The following UBXN2B variants were observed in gnomAD, a reference collection of about 807,000 sequenced individuals.
UBXN2B encodes UBX domain protein 2B.
In UBXN2B, 19 loss-of-function variants were observed where a neutral mutation model predicts 37.5. The ratio of observed to expected loss-of-function variants is 0.51; its 90% CI spans 0.35 to 0.74. The LOEUF is 0.74. Among genes scored for constraint, UBXN2B ranks in the 30% least tolerant of loss-of-function variants. UBXN2B has a pLI of 0.01. For synonymous variants in UBXN2B, 145 were observed against 143.8 expected (o/e 1.01, Z -0.06); for missense variants, 370 against 393.2 (o/e 0.94, Z 0.50).
intron 2 of UBXN2B, chr8:58,424,911 G>T (rs111373353): frequency 5.5e-6 from 5 of 912,614 alleles, no homozygotes; most frequent in African/African-American, 1.6e-5. Flanking sequence ...GAACGTCAAT[G>T]TTGCAGTCAA....
intron 5 of UBXN2B, among the ~76,000 whole-genome samples, chr8:58,436,677 T>A (rs1457944034): frequency 2.0e-5 from 3 of 152,166 alleles, no homozygotes; most frequent in Admixed American, 6.5e-5. Flanking sequence ...ATGAATGAGT[T>A]CTTCTTCTGG....
At position 58,425,094 on chromosome 8, in the gene UBXN2B, G is replaced by A. The variant is rs115121005; in HGVS notation, c.189-5425G>A. 1.6e-3 allele frequency: 1,268 copies of A among 790,792 alleles called. 5 individuals carry two copies. The African/African-American group carries it at 0.017, about 10-fold the overall frequency. The allele number at this position is 790,792 out of a possible 1,614,324, so 49.0% of individuals were successfully genotyped here. On this transcript the variant is annotated intron_variant, in intron 2 of 7. Transcript: ENST00000399598. The stretch of plus-strand genomic sequence containing the variant: ...CACCCCTGGGGTCAATGGGCACTCC[G>A]TGGTCCGGCCAGGTCCAAAAGTGGT...
chr8:58,418,463 T>C (rs1385654577), intron 2 of UBXN2B, among the ~76,000 whole-genome samples: 2 of 152,208 alleles, frequency 1.3e-5, no homozygotes, highest in African/African-American at 4.8e-5. Context: ...TAAAATTTAT[T>C]ATGTTGACTT....
intron 3 of UBXN2B, 136 bp downstream of exon 3, chr8:58,430,805 A>T: frequency 1.4e-6 from 1 of 727,682 alleles, no homozygotes; most frequent in Non-Finnish European, 1.9e-6. Context: ...ATAAAATTAT[A>T]ATATTTCTAT....
intron 2 of UBXN2B, 81 bp downstream of exon 2, chr8:58,417,034 C>A: frequency 1.8e-6 from 2 of 1,130,828 alleles, no homozygotes; most frequent in Non-Finnish European, 1.2e-6. Context: ...TTTTAAATGG[C>A]CTTCTTCAAG....
intron 2 of UBXN2B, among the ~76,000 whole-genome samples, chr8:58,429,450 C>A (rs1270953941): frequency 6.6e-6 from 1 of 152,126 alleles, no homozygotes; most frequent in Non-Finnish European, 1.5e-5. Context: ...TAAATTTGGG[C>A]CCAGTGTACT....
Position 58,447,885 on chromosome 8 carries a change from T to G in UBXN2B, c.*334T>G. The G allele has an allele frequency of 5.9e-6, 1 of 168,476 alleles. No individual in the cohort carries two copies. The highest frequency in any genetic ancestry group is 1.3e-5 in the Non-Finnish European group (1 of 78,982). The allele number at this position is 168,476 out of a possible 1,614,324, so 10.4% of individuals were successfully genotyped here. On this transcript the variant is annotated 3_prime_UTR_variant, in exon 8 of 8. Transcript: ENST00000399598. ...AAAACCCCTTTTTGATAAATGCATT[T>G]GGTAAAATTTGCACTAAAGTTTCTT... is the stretch of plus-strand genomic sequence containing the variant.
In UBXN2B at chr8:58,416,951, A is replaced by G. The variant is rs1807801341; in HGVS notation, c.186A>G (p.Gln62=). Residue 62 remains glutamine, a splice_region_variant and synonymous_variant, in exon 2 of 8, where the codon CAA becomes CAG. Coordinates refer to ENST00000399598, the MANE Select transcript of UBXN2B (RefSeq NM_001077619.2). The part of the protein sequence containing the change: ...TVFKSPRTPP[Q]RFYSSEHEYS... ...TCAAGAGCCCACGGACACCACCTCA[A>G]CGGTAAGTTTTATTTTGTTTTGTTG... The G allele has an allele frequency of 7.5e-6, 12 of 1,591,240 alleles. No individual in the cohort carries two copies. Among genetic ancestry groups the G allele is most frequent in the South Asian group, 1.1e-5 (1 of 87,216 alleles).
intron 5 of UBXN2B, among the ~76,000 whole-genome samples, chr8:58,438,345 C>G (rs59206925): frequency 0.027 from 4,137 of 152,262 alleles, 204 homozygotes; most frequent in East Asian, 0.22. Flanking sequence ...ACCTCCAGAC[C>G]CAGGAATGGT....
At chr8:58,424,634 ACT>A in intron 2 of UBXN2B, 1 of 1,163,042 alleles carries the variant, frequency 8.6e-7, no homozygotes, top group Non-Finnish European at 1.3e-6. Context: ...GTTTTCATAC[ACT>A]CTAGCACTGT....
intron 1 of UBXN2B, among the ~76,000 whole-genome samples, chr8:58,411,981 G>C (rs983145809): frequency 2.0e-4 from 30 of 152,216 alleles, no homozygotes; most frequent in African/African-American, 6.5e-4. Context: ...TGCCCATACA[G>C]CCTAGTTGTC....
At chr8:58,446,942 A>G (rs1292662689) in intron 7 of UBXN2B, among the ~76,000 whole-genome samples, 1 of 151,316 alleles carries the variant, frequency 6.6e-6, no homozygotes, top group Non-Finnish European at 1.5e-5. Flanking sequence ...GATTACAGAC[A>G]GCCACCACCA....
At chr8:58,423,879 G>A (rs561294709) in intron 2 of UBXN2B, among the ~76,000 whole-genome samples, 26 of 151,432 alleles carry the variant, frequency 1.7e-4, no homozygotes, top group Middle Eastern at 3.4e-3. Flanking sequence ...TATGGCAAAC[G>A]TTTTCCCACC....
chr8:58,433,065 A>T, intron 3 of UBXN2B, 95 bp from the exon 4 acceptor site: 1 of 1,001,478 alleles, frequency 1.0e-6, no homozygotes, highest in South Asian at 1.7e-5. Flanking sequence ...CACTTTGGCT[A>T]ATTAGAATTA....
rs1451176168 is a variant in UBXN2B at position 58,450,922 on chromosome 8, A to G, written c.*3371A>G. On this transcript the variant is annotated 3_prime_UTR_variant, in exon 8 of 8. Transcript: ENST00000399598. ...TTTCTCAGTGCCGTAATATAGAGGA[A>G]TTCTCAAAATAAGCCCTACTCCTTT... The G allele has an allele frequency of 6.6e-6, 1 of 152,452 alleles. No individual in the cohort carries two copies. Among genetic ancestry groups the G allele is most frequent in the Admixed American group, 6.5e-5 (1 of 15,278 alleles). 9.4% of individuals were successfully genotyped at this position (152,452 alleles called of 1,614,324 possible).
chr8:58,420,221 C>G (rs563161873), intron 2 of UBXN2B, among the ~76,000 whole-genome samples: 1 of 152,226 alleles, frequency 6.6e-6, no homozygotes, highest in Admixed American at 6.5e-5. Context: ...TTTACAAATA[C>G]ACTTTTACTC....
chr8:58,425,314 A>G lies in UBXN2B; in HGVS notation c.189-5205A>G, dbSNP rs1038420606. The G allele has an allele frequency of 9.3e-5, 108 of 1,159,898 alleles. No homozygotes were observed. The South Asian group carries it at 9.8e-4, about 10-fold the overall frequency. 71.9% of individuals were successfully genotyped at this position (1,159,898 alleles called of 1,614,324 possible). On this transcript the variant is annotated intron_variant, in intron 2 of 7. Transcript: ENST00000399598. ...CTCCACTTCTTTCGTTGTCATGACA[A>G]TCACTCAGGAGTTTTCTTGGAATAC... is the stretch of plus-strand genomic sequence containing the variant.
intron 2 of UBXN2B, among the ~76,000 whole-genome samples, chr8:58,426,354 C>G (rs535569340): frequency 3.4e-4 from 52 of 151,994 alleles, no homozygotes; most frequent in African/African-American, 1.2e-3. Flanking sequence ...CTACAGGTGC[C>G]TGCCACCATG....
intron 2 of UBXN2B, chr8:58,426,772 G>A (rs775591641): frequency 1.2e-4 from 77 of 622,906 alleles, no homozygotes; most frequent in Non-Finnish European, 2.0e-4. Context: ...CCCGAGGGAG[G>A]CCCGCTCGGG....
Sources: allele counts gnomAD v4.1 joint callset (sites outside exome capture counted in the v4.1 genomes callset), GRCh38; gene constraint gnomAD v4.1.1; transcripts MANE v1.5; gene names NCBI Gene and HGNC (gene_info 2026-07-23, HGNC 2026-07-21).